Variants in WAPL observed in about 807,000 individuals in gnomAD.
The protein encoded by WAPL is wings apart-like protein homolog.
In WAPL, 5 loss-of-function variants were observed where a neutral mutation model predicts 121.0. The observed-to-expected ratio is 0.04, with a 90% CI of 0.02 to 0.09. WAPL has a LOEUF of 0.09. Among genes scored for constraint, WAPL ranks in the 10% least tolerant of loss-of-function variants. WAPL has a pLI of 1.00. For missense variants in WAPL, 999 were observed against 1,410.8 expected (o/e 0.71, Z 4.68); for synonymous variants, 480 against 481.5 (o/e 1.00, Z 0.04).
chr10:86,444,702 T>A, intron 16 of WAPL, among the ~76,000 whole-genome samples: 1 of 151,396 alleles, frequency 6.6e-6, no homozygotes, highest in Non-Finnish European at 1.5e-5. Context: ...TGCTAATGGG[T>A]ATTGGGTTCC....
At chr10:86,496,148 T>TAGG (rs1388101902) in intron 4 of WAPL, among the ~76,000 whole-genome samples, 17 of 152,196 alleles carry the variant, frequency 1.1e-4, no homozygotes, top group South Asian at 2.1e-4. Flanking sequence ...GCAAAGGACT[T>TAGG]AGACATTTCT....
intron 10 of WAPL, 112 bp from the exon 11 acceptor site, chr10:86,460,608 C>A (rs1841245872): frequency 1.4e-6 from 1 of 722,840 alleles, no homozygotes; most frequent in South Asian, 2.0e-5. Flanking sequence ...CATGCTGGAA[C>A]CTCTCTGAAC....
At chr10:86,474,224 T>C (rs1257275566) in intron 4 of WAPL, among the ~76,000 whole-genome samples, 2 of 151,978 alleles carry the variant, frequency 1.3e-5, no homozygotes, top group Non-Finnish European at 2.9e-5. Context: ...CACTTGAAAG[T>C]AAACCTAGGC....
intron 12 of WAPL, among the ~76,000 whole-genome samples, chr10:86,454,448 C>T (rs956173444): frequency 7.2e-5 from 11 of 152,200 alleles, no homozygotes; most frequent in African/African-American, 2.7e-4. Flanking sequence ...GACTGTACTG[C>T]CGCCATCTCG....
chr10:86,452,227 A>G (rs78450388), intron 14 of WAPL, 96 bp from the exon 15 acceptor site: 82,952 of 1,213,194 alleles, frequency 0.068, 3,203 homozygotes, highest in Middle Eastern at 0.11. Flanking sequence ...AAAAAGCTGA[A>G]TATCAGTGTT....
Position 86,467,525 on chromosome 10 carries a change from AG to A in WAPL, c.2143-20del. On this transcript the variant is annotated intron_variant, in intron 8 of 18. Transcript: ENST00000298767. ...ACAGATTCTTCAACAGGCCAAAAAA[AG>A]AAAAGAAAAAAAACTTCATGTAAGC... The A allele has an allele frequency of 1.3e-6, 2 of 1,574,770 alleles. No homozygotes were observed. Among genetic ancestry groups the A allele is most frequent in the South Asian group, 2.4e-5 (2 of 84,066 alleles).
intron 16 of WAPL, 131 bp downstream of exon 16, chr10:86,446,111 T>C (rs1849611107): frequency 1.0e-6 from 1 of 970,416 alleles, no homozygotes; most frequent in Non-Finnish European, 1.5e-6. Flanking sequence ...TCAAAGCTTG[T>C]CTGGACTGAA....
intron 4 of WAPL, among the ~76,000 whole-genome samples, chr10:86,488,103 C>T (rs140057075): frequency 9.0e-4 from 137 of 151,486 alleles, no homozygotes; most frequent in Middle Eastern, 3.4e-3. Context: ...TTTCTCTCGG[C>T]GAAGGGAATT....
intron 1 of WAPL, 59 bp from the exon 2 acceptor site, chr10:86,518,150 T>C: frequency 6.8e-7 from 1 of 1,477,308 alleles, no homozygotes; most frequent in Non-Finnish European, 9.0e-7. Context: ...AAACAGTGCA[T>C]ATAAAAATAA....
At chr10:86,487,059 A>G (rs183752696) in intron 4 of WAPL, among the ~76,000 whole-genome samples, 16 of 152,216 alleles carry the variant, frequency 1.1e-4, no homozygotes, top group South Asian at 2.1e-4. Context: ...CTTAACTGCA[A>G]AACAAGATGG....
chr10:86,445,707 G>T (rs949252493), intron 16 of WAPL, among the ~76,000 whole-genome samples: 1 of 151,844 alleles, frequency 6.6e-6, no homozygotes, highest in African/African-American at 2.4e-5. Flanking sequence ...TATATTTTTT[G>T]TAGGGATGGG....
In WAPL at chr10:86,501,659, T is replaced by C. The variant is rs74766168; in HGVS notation, c.500-916A>G. The stretch of plus-strand genomic sequence containing the variant: ...GCTTTACATGGACAGATTCACTGCA[T>C]AATTTTTAATTCTACCCAATAGGTT... On this transcript the variant is annotated intron_variant, in intron 2 of 18. Transcript: ENST00000298767. Among the ~76,000 whole-genome samples the C allele has an allele frequency of 5.3e-3, 804 of 152,320 alleles. 6 individuals carry two copies. The highest frequency in any genetic ancestry group is 0.018 in the African/African-American group (752 of 41,570).
Position 86,453,757 on chromosome 10 carries a change from T to A in WAPL, c.2732A>T (p.Lys911Met), listed in dbSNP as rs1042683957. The A allele has an allele frequency of 6.2e-7, 1 of 1,614,086 alleles. No homozygotes were observed. Among genetic ancestry groups the A allele is most frequent in the Non-Finnish European group, 8.5e-7 (1 of 1,180,050 alleles). ...AGTTACATTCTGGTGAGGCAGAGGCTTACTGTCAGCTAAGCATATGCTGTC... is the reference window on the plus strand; with the variant it reads ...AGTTACATTCTGGTGAGGCAGAGGCATACTGTCAGCTAAGCATATGCTGTC... Reference protein sequence around the residue: ...AEDSICLADSKPLPHQNVTNH... With the variant: ...AEDSICLADSMPLPHQNVTNH... The change falls in exon 13 of 19, where the codon AAG becomes ATG. Residue 911 changes from lysine (K) to methionine (M), a missense_variant. By Grantham distance (95) the Lys-to-Met change is moderately conservative. Transcript: ENST00000298767.
intron 8 of WAPL, 123 bp downstream of exon 8, chr10:86,470,864 CAAATA>C: frequency 1.4e-6 from 1 of 726,252 alleles, no homozygotes; most frequent in Non-Finnish European, 2.1e-6. Flanking sequence ...ACAAATTTAG[CAAATA>C]AAATGAACTC....
intron 4 of WAPL, among the ~76,000 whole-genome samples, chr10:86,477,888 T>G (rs541456014): frequency 6.6e-6 from 1 of 151,922 alleles, no homozygotes; most frequent in Non-Finnish European, 1.5e-5. Flanking sequence ...GAAACCAGCC[T>G]GGCCAACATG....
chr10:86,491,888 C>A (rs1050499821), intron 4 of WAPL, among the ~76,000 whole-genome samples: 1 of 152,132 alleles, frequency 6.6e-6, no homozygotes, highest in East Asian at 1.9e-4. Flanking sequence ...GTGTTAAGAG[C>A]ACCTACAATC....
chr10:86,461,432 G>C, intron 9 of WAPL, 145 bp from the exon 10 acceptor site: 2 of 625,030 alleles, frequency 3.2e-6, no homozygotes, highest in South Asian at 4.3e-5. Flanking sequence ...AATTTTATCA[G>C]AATAGTCCAC....
At chr10:86,458,739 C>G (rs2132179899) in intron 12 of WAPL, among the ~76,000 whole-genome samples, 1 of 151,410 alleles carries the variant, frequency 6.6e-6, no homozygotes, top group South Asian at 2.1e-4. Context: ...TTATTATCCC[C>G]CTTGTAAAGA....
rs1244684648 is a variant in WAPL, at chr10:86,437,451, G to C, written c.*92C>G. ...CGAATGATACTGATGAATGTTCTTG[G>C]TATATCTTCAAGGACTTCTTTCATG... On this transcript the variant is annotated 3_prime_UTR_variant, in exon 19 of 19. Transcript: ENST00000298767. 7.6e-7 allele frequency: 1 copy of C among 1,316,228 alleles called. No individual in the cohort carries two copies. The highest frequency in any genetic ancestry group is 1.1e-6 in the Non-Finnish European group (1 of 949,368). 81.5% of individuals were successfully genotyped at this position (1,316,228 alleles called of 1,614,324 possible). A position where few individuals can be genotyped will look rare whatever the true frequency, so the allele number is the denominator to read the frequency against.
Sources: allele counts gnomAD v4.1 joint callset (sites outside exome capture counted in the v4.1 genomes callset), GRCh38; gene constraint gnomAD v4.1.1; transcripts MANE v1.5; gene names NCBI Gene and HGNC (gene_info 2026-07-23, HGNC 2026-07-21).